The following MOSMO variants were observed in gnomAD, a reference collection of about 807,000 sequenced individuals.
MOSMO encodes modulator of smoothened protein.
A neutral mutation model predicts 18.4 loss-of-function variants in MOSMO; 5 were observed. That is an observed-to-expected ratio of 0.27 (90% CI 0.14 to 0.57). The LOEUF is 0.57. Ranked by LOEUF, MOSMO falls within the 20% of genes least tolerant of loss-of-function variation. The probability of loss-of-function intolerance (pLI) is 0.92; values close to 1 mark genes in which losing one functional copy is unlikely to be tolerated. For missense variants in MOSMO, 138 were observed against 211.8 expected (o/e 0.65, Z 2.16); for synonymous variants, 82 against 82.3 (o/e 1.00, Z 0.02).
At chr16:22,090,320 T>C (rs1901275984), downstream of MOSMO, 1 of 152,240 alleles carries the variant, frequency 6.6e-6, no homozygotes, top group African/African-American at 2.4e-5. Flanking sequence ...GCCAGAACTA[T>C]CTCTGGATTC....
chr16:22,070,509 C>G (rs1433608272), intron 1 of MOSMO, among the ~76,000 whole-genome samples: 1 of 152,136 alleles, frequency 6.6e-6, no homozygotes, highest in Non-Finnish European at 1.5e-5. Context: ...GGATGGGTGA[C>G]TGTAAACTCC....
At chr16:22,024,926 G>A (rs1597999890) in intron 1 of MOSMO, among the ~76,000 whole-genome samples, 1 of 152,024 alleles carries the variant, frequency 6.6e-6, no homozygotes. Context: ...GAGATGGGAG[G>A]ATCGCCTGAG....
chr16:22,041,924 G>A (rs995675071), intron 1 of MOSMO, among the ~76,000 whole-genome samples: 3 of 152,020 alleles, frequency 2.0e-5, no homozygotes, highest in South Asian at 2.1e-4. Flanking sequence ...GGCCTCGAGC[G>A]ATCCTCCCAT....
intron 1 of MOSMO, among the ~76,000 whole-genome samples, chr16:22,045,848 GATAT>G (rs1196608075): frequency 6.6e-6 from 1 of 151,442 alleles, no homozygotes; most frequent in Non-Finnish European, 1.5e-5. Context: ...TGAGTTAAGA[GATAT>G]ATATTTTTTT....
At chr16:22,022,055 C>T (rs558292426) in intron 1 of MOSMO, among the ~76,000 whole-genome samples, 1 of 152,272 alleles carries the variant, frequency 6.6e-6, no homozygotes, top group Admixed American at 6.5e-5. Context: ...GGATTAATCT[C>T]TTATCACATT....
intron 1 of MOSMO, among the ~76,000 whole-genome samples, chr16:22,041,943 C>T (rs1055349314): frequency 2.0e-5 from 3 of 152,108 alleles, no homozygotes; most frequent in East Asian, 1.9e-4. Flanking sequence ...ATCTTGACTT[C>T]GCTAAGTGCT....
In MOSMO at chr16:22,080,782, A is replaced by G. The variant is rs1305621614; in HGVS notation, c.406A>G (p.Asn136Asp). 3 of 1,485,848 alleles carry G rather than the reference A, an allele frequency of 2.0e-6. No individual in the cohort carries two copies. The highest frequency in any genetic ancestry group is 2.6e-5 in the East Asian group (1 of 38,444). 92.0% of individuals were successfully genotyped at this position (1,485,848 alleles called of 1,614,324 possible). The change falls in exon 3 of 3, where the codon AAC (asparagine) becomes GAC (aspartate). Residue 136 changes from asparagine to aspartate, a missense_variant. Transcript: ENST00000542527. The part of the protein sequence containing the change: ...VGGQPYKLPN[N>D]TVVGSSYVLF... ...AGGTCAACCTTATAAATTACCCAAC[A>G]ACACAGTAGTTGGGTCATCATATGT...
At chr16:22,090,978 G>A (rs1901301869), downstream of MOSMO, among the ~76,000 whole-genome samples, 1 of 152,084 alleles carries the variant, frequency 6.6e-6, no homozygotes, top group Admixed American at 6.5e-5. Flanking sequence ...ACCCATGTAT[G>A]CAGGAAGCAA....
At chr16:22,071,550 C>T (rs1009001065) in intron 1 of MOSMO, among the ~76,000 whole-genome samples, 2 of 152,178 alleles carry the variant, frequency 1.3e-5, no homozygotes, top group South Asian at 4.1e-4. Context: ...TTAACAGTGT[C>T]TGGATTTACA....
At chr16:22,051,728 CA>C (rs1900431680) in intron 1 of MOSMO, among the ~76,000 whole-genome samples, 1 of 152,144 alleles carries the variant, frequency 6.6e-6, no homozygotes, top group South Asian at 2.1e-4. Context: ...GTGGGAACCC[CA>C]ACTTGAAGCC....
intron 1 of MOSMO, among the ~76,000 whole-genome samples, chr16:22,025,852 C>A (rs1274565822): frequency 6.6e-6 from 1 of 152,184 alleles, no homozygotes; most frequent in African/African-American, 2.4e-5. Flanking sequence ...TTATAGTGTG[C>A]TGTTTCTGAT....
chr16:22,026,166 G>T (rs983759093), intron 1 of MOSMO, among the ~76,000 whole-genome samples: 9 of 151,288 alleles, frequency 5.9e-5, no homozygotes, highest in Non-Finnish European at 1.0e-4. Context: ...AATTATTTAT[G>T]GTCTGTATGA....
chr16:22,071,188 T>C (rs1000138227), intron 1 of MOSMO, among the ~76,000 whole-genome samples: 9 of 152,182 alleles, frequency 5.9e-5, no homozygotes, highest in Non-Finnish European at 8.8e-5. Flanking sequence ...TGGTAGGGAT[T>C]GGGCACTCCA....
chr16:22,034,541 C>T (rs1448377508), intron 1 of MOSMO, among the ~76,000 whole-genome samples: 1 of 152,062 alleles, frequency 6.6e-6, no homozygotes, highest in Non-Finnish European at 1.5e-5. Context: ...TCTCTCCTTG[C>T]TCGTGTGATT....
In MOSMO at chr16:22,056,815, A is replaced by T. The variant is rs565742547; in HGVS notation, c.107-18672A>T. Reference sequence around the variant, plus strand: ...AACATACTCCCCAAGACACATCTCAAATGACAGTTTGCTGGCCATGTTAAA... The same window carrying T: ...AACATACTCCCCAAGACACATCTCATATGACAGTTTGCTGGCCATGTTAAA... On this transcript the variant is annotated intron_variant, in intron 1 of 2. Transcript: ENST00000542527. 2.6e-5 allele frequency among the ~76,000 whole-genome samples: 4 copies of T among 152,274 alleles called. No individual in the cohort carries two copies. In the South Asian group the frequency reaches 8.3e-4, roughly 32 times the overall value.
At chr16:22,078,665 A>G (rs1029151699) in intron 2 of MOSMO, among the ~76,000 whole-genome samples, 1 of 152,228 alleles carries the variant, frequency 6.6e-6, no homozygotes, top group Non-Finnish European at 1.5e-5. Context: ...ATTAGTCAAC[A>G]TTAAGAAAAA....
downstream of MOSMO, among the ~76,000 whole-genome samples, chr16:22,088,704 T>C (rs1019473605): frequency 6.6e-6 from 1 of 152,122 alleles, no homozygotes; most frequent in Admixed American, 6.5e-5. Context: ...CAGGGTGGTG[T>C]TTTATAGACT....
rs148959114 is a variant in MOSMO at position 22,062,600 on chromosome 16, G to A, written c.107-12887G>A. Among the ~76,000 whole-genome samples, 59 of 152,274 alleles carry A rather than the reference G, an allele frequency of 3.9e-4. 1 individual carries two copies. In the East Asian group the frequency reaches 0.011, roughly 29 times the overall value. On this transcript the variant is annotated intron_variant, in intron 1 of 2. Transcript: ENST00000542527. ...CCCAAAGGGCTGGGATTACAGATGT[G>A]AGCTGAGCCATAGCACCTGGCCTAT...
At chr16:22,037,368 A>G (rs1828885000) in intron 1 of MOSMO, among the ~76,000 whole-genome samples, 1 of 152,176 alleles carries the variant, frequency 6.6e-6, no homozygotes, top group African/African-American at 2.4e-5. Flanking sequence ...GCCAAAAAGG[A>G]ATTAAGGTAT....
Sources: gnomAD v4.1 joint callset for allele counts (sites outside exome capture counted in the v4.1 genomes callset) on GRCh38, gnomAD v4.1.1 for gene constraint, MANE v1.5 for transcripts, NCBI Gene and HGNC (gene_info 2026-07-23, HGNC 2026-07-21) for gene names.